Variants in LRP1B observed in about 807,000 individuals in gnomAD.
LRP1B encodes low-density lipoprotein receptor-related protein 1B.
LRP1B carries 217 observed loss-of-function variants against 556.6 expected under a neutral mutation model. The ratio of observed to expected loss-of-function variants is 0.39; its 90% CI spans 0.35 to 0.44. LRP1B has a LOEUF of 0.44. Among genes scored for constraint, LRP1B ranks in the 20% least tolerant of loss-of-function variants. LRP1B has a pLI of 1.00. For missense variants in LRP1B, 5,053 were observed against 5,620.8 expected (o/e 0.90, Z 3.23); for synonymous variants, 2,047 against 1,865.8 (o/e 1.10, Z -2.50).
intron 35 of LRP1B, among the ~76,000 whole-genome samples, chr2:140,743,123 T>C (rs16844617): frequency 0.12 from 18,028 of 152,222 alleles, 1,267 homozygotes; most frequent in East Asian, 0.29. Context: ...ATGCATTTGA[T>C]ACTTTTAAAC....
intron 84 of LRP1B, among the ~76,000 whole-genome samples, chr2:140,276,193 A>G (rs543532676): frequency 6.6e-6 from 1 of 152,126 alleles, no homozygotes; most frequent in African/African-American, 2.4e-5. Flanking sequence ...GGTAAGAAAA[A>G]TTAAAACATA....
intron 6 of LRP1B, among the ~76,000 whole-genome samples, chr2:141,208,954 G>C (rs1682418657): frequency 7.1e-6 from 1 of 139,968 alleles, no homozygotes; most frequent in Non-Finnish European, 1.5e-5. Context: ...CCTTCTCCCT[G>C]AGGCCTTTAA....
intron 1 of LRP1B, among the ~76,000 whole-genome samples, chr2:141,858,921 C>A (rs1314072800): frequency 6.6e-6 from 1 of 152,034 alleles, no homozygotes; most frequent in Non-Finnish European, 1.5e-5. Context: ...AACAACCAGA[C>A]TGTGGTAGGC....
At chr2:141,078,300 T>A (rs1044112878) in intron 7 of LRP1B, among the ~76,000 whole-genome samples, 8 of 43,286 alleles carry the variant, frequency 1.8e-4, no homozygotes, top group Middle Eastern at 0.011. Flanking sequence ...ATCTGTCCAG[T>A]TCATTTTTTT....
chr2:140,408,167 G>C (rs534315005), intron 66 of LRP1B, among the ~76,000 whole-genome samples: 1 of 151,884 alleles, frequency 6.6e-6, no homozygotes. Flanking sequence ...AATGGACTTT[G>C]AGGATTTACA....
At chr2:142,108,926 A>G (rs955860188) in intron 1 of LRP1B, among the ~76,000 whole-genome samples, 11 of 152,174 alleles carry the variant, frequency 7.2e-5, no homozygotes, top group African/African-American at 2.7e-4. Flanking sequence ...TTTGCTCTGT[A>G]GAATTTATTC....
At chr2:141,867,735 T>G (rs1698458505) in intron 1 of LRP1B, among the ~76,000 whole-genome samples, 1 of 152,186 alleles carries the variant, frequency 6.6e-6, no homozygotes, top group African/African-American at 2.4e-5. Flanking sequence ...AGTAACAATA[T>G]ACTCTTCTCA....
chr2:140,262,189 A>G (rs1188098546), intron 86 of LRP1B, among the ~76,000 whole-genome samples: 1 of 152,170 alleles, frequency 6.6e-6, no homozygotes, highest in Non-Finnish European at 1.5e-5. Context: ...AAGCTAGAGT[A>G]TGGAATGCCC....
intron 41 of LRP1B, among the ~76,000 whole-genome samples, chr2:140,657,959 G>A (rs1446126800): frequency 6.6e-6 from 1 of 151,914 alleles, no homozygotes; most frequent in Non-Finnish European, 1.5e-5. Context: ...ACTGATCCAT[G>A]GGCCCAAGGA....
At chr2:140,481,017 TCAACA>T (rs895468973) in intron 59 of LRP1B, among the ~76,000 whole-genome samples, 9 of 151,868 alleles carry the variant, frequency 5.9e-5, no homozygotes, top group Non-Finnish European at 4.4e-5. Flanking sequence ...CAGGCCTGTG[TCAACA>T]GGCCTGGCTA....
intron 2 of LRP1B, among the ~76,000 whole-genome samples, chr2:141,695,024 T>C (rs182347374): frequency 1.2e-4 from 18 of 152,198 alleles, no homozygotes; most frequent in African/African-American, 4.1e-4. Flanking sequence ...TTAAAAATGA[T>C]GCTGGATTAT....
At chr2:141,764,329 C>T (rs551389943) in intron 2 of LRP1B, among the ~76,000 whole-genome samples, 6 of 152,124 alleles carry the variant, frequency 3.9e-5, no homozygotes, top group Middle Eastern at 3.4e-3. Flanking sequence ...TACAGGCGCC[C>T]GCCACCACAT....
intron 35 of LRP1B, among the ~76,000 whole-genome samples, chr2:140,728,750 C>A (rs1412131993): frequency 6.6e-6 from 1 of 152,072 alleles, no homozygotes; most frequent in East Asian, 1.9e-4. Flanking sequence ...AGGGATGTAG[C>A]ATAATGACTA....
chr2:141,427,172 G>A (rs1478581197), intron 3 of LRP1B, among the ~76,000 whole-genome samples: 1 of 152,072 alleles, frequency 6.6e-6, no homozygotes, highest in Non-Finnish European at 1.5e-5. Context: ...AAGCAACTTA[G>A]GCATTAAAAT....
intron 1 of LRP1B, among the ~76,000 whole-genome samples, chr2:142,013,638 A>T (rs905314027): frequency 3.9e-5 from 6 of 152,122 alleles, no homozygotes; most frequent in African/African-American, 1.4e-4. Flanking sequence ...GAGTTATGAG[A>T]AGTTTTGAAG....
intron 7 of LRP1B, among the ~76,000 whole-genome samples, chr2:141,125,414 T>C (rs1016205955): frequency 1.3e-5 from 2 of 152,190 alleles, no homozygotes; most frequent in African/African-American, 4.8e-5. Flanking sequence ...TTCTAGAATG[T>C]TGGAAAAATT....
intron 56 of LRP1B, 138 bp downstream of exon 56, chr2:140,495,427 C>G (rs1688880148): frequency 1.6e-6 from 1 of 624,670 alleles, no homozygotes; most frequent in Non-Finnish European, 2.6e-6. Context: ...GTGACAGATT[C>G]TCATATCAAG....
chr2:140,468,874 A>G (rs1687655093), intron 60 of LRP1B, among the ~76,000 whole-genome samples: 1 of 152,192 alleles, frequency 6.6e-6, no homozygotes, highest in Non-Finnish European at 1.5e-5. Context: ...TTGGAATGGA[A>G]ATGTTTATCC....
At chr2:141,690,396 AAT>A (rs762453747) in intron 2 of LRP1B, among the ~76,000 whole-genome samples, 84 of 26,920 alleles carry the variant, frequency 3.1e-3, no homozygotes, top group African/African-American at 9.0e-3. Flanking sequence ...TACATCTATA[AAT>A]ATATATATAT....
Sources: gnomAD v4.1 joint callset for allele counts (sites outside exome capture counted in the v4.1 genomes callset) on GRCh38, gnomAD v4.1.1 for gene constraint, MANE v1.5 for transcripts, NCBI Gene and HGNC (gene_info 2026-07-23, HGNC 2026-07-21) for gene names.